Variants in TDRD10 observed in about 807,000 individuals in gnomAD.
TDRD10 encodes tudor domain-containing protein 10.
A neutral mutation model predicts 48.0 loss-of-function variants in TDRD10; 40 were observed. That is an observed-to-expected ratio of 0.83 (90% CI 0.65 to 1.09). The LOEUF is 1.09. Among genes scored for constraint, TDRD10 ranks in the 50% least tolerant of loss-of-function variants. The pLI is 0.00. For synonymous variants in TDRD10, 162 were observed against 170.4 expected (o/e 0.95, Z 0.38); for missense variants, 378 against 434.7 (o/e 0.87, Z 1.16).
At chr1:154,510,267 A>G (rs973884820) in intron 4 of TDRD10, among the ~76,000 whole-genome samples, 1 of 149,176 alleles carries the variant, frequency 6.7e-6, no homozygotes, top group Non-Finnish European at 1.5e-5. Flanking sequence ...AAAATTTTGA[A>G]TGGTAACATT....
chr1:154,544,565 A>C (rs776418056), intron 10 of TDRD10, 48 bp downstream of exon 10: 1 of 1,584,644 alleles, frequency 6.3e-7, no homozygotes, highest in Admixed American at 1.8e-5. Flanking sequence ...CGTGCAGGGA[A>C]AATGCTCCCT....
intron 3 of TDRD10, 68 bp from the exon 4 acceptor site, chr1:154,508,355 G>T: frequency 1.8e-6 from 2 of 1,087,800 alleles, no homozygotes; most frequent in South Asian, 2.5e-5. Context: ...TCTCTATCCT[G>T]TATTCTGACT....
chr1:154,544,242 G>A (rs1695422152), intron 9 of TDRD10, 130 bp from the exon 10 acceptor site: 4 of 1,544,544 alleles, frequency 2.6e-6, no homozygotes, highest in South Asian at 2.4e-5. Flanking sequence ...GTTCAGTCTC[G>A]TTCTCTCTCC....
chr1:154,503,388 G>C (rs1328919894), intron 1 of TDRD10, among the ~76,000 whole-genome samples: 1 of 152,156 alleles, frequency 6.6e-6, no homozygotes, highest in African/African-American at 2.4e-5. Flanking sequence ...AAGAGTTCGA[G>C]ACCAGCCTGG....
chr1:154,534,218 A>G (rs1312068759), intron 6 of TDRD10, among the ~76,000 whole-genome samples: 1 of 152,152 alleles, frequency 6.6e-6, no homozygotes, highest in Non-Finnish European at 1.5e-5. Context: ...CCAAAATCTA[A>G]AATATTTACT....
chr1:154,526,609 C>T (rs1293683082), intron 6 of TDRD10, among the ~76,000 whole-genome samples: 6 of 152,114 alleles, frequency 3.9e-5, no homozygotes, highest in Non-Finnish European at 8.8e-5. Context: ...CCACACGCCA[C>T]CACGCCCAGC....
intron 11 of TDRD10, among the ~76,000 whole-genome samples, chr1:154,545,470 A>G (rs1369693888): frequency 1.3e-5 from 2 of 152,230 alleles, no homozygotes; most frequent in African/African-American, 4.8e-5. Context: ...GTTAGGTGAA[A>G]TGTAAAAGGA....
intron 4 of TDRD10, among the ~76,000 whole-genome samples, chr1:154,516,251 C>T (rs1378737991): frequency 2.6e-5 from 4 of 152,018 alleles, no homozygotes; most frequent in East Asian, 3.9e-4. Context: ...GGGTCCAAGG[C>T]GTTATGTGTA....
chr1:154,537,441 A>C (rs151021335), intron 6 of TDRD10, among the ~76,000 whole-genome samples: 1 of 152,266 alleles, frequency 6.6e-6, no homozygotes, highest in Non-Finnish European at 1.5e-5. Context: ...AAGTGATTAA[A>C]GAATGAGAAG....
At chr1:154,520,264 A>G (rs1290126901) in intron 4 of TDRD10, 40 bp from the exon 5 acceptor site, 4 of 1,455,416 alleles carry the variant, frequency 2.7e-6, no homozygotes, top group African/African-American at 1.4e-5. Context: ...GTTGTAAGTT[A>G]TGTCTCTGGG....
chr1:154,517,768 C>T (rs1431994179), intron 4 of TDRD10, among the ~76,000 whole-genome samples: 4 of 152,106 alleles, frequency 2.6e-5, no homozygotes, highest in Non-Finnish European at 5.9e-5. Context: ...ACATGGCTCA[C>T]ACTAATATTT....
intron 1 of TDRD10, among the ~76,000 whole-genome samples, chr1:154,505,914 A>G (rs1238670856): frequency 6.6e-6 from 1 of 152,202 alleles, no homozygotes; most frequent in African/African-American, 2.4e-5. Flanking sequence ...GATCTATGAC[A>G]TGGGTGTTTT....
intron 6 of TDRD10, among the ~76,000 whole-genome samples, chr1:154,528,686 C>CA (rs1694442573): frequency 6.6e-6 from 1 of 151,906 alleles, no homozygotes; most frequent in South Asian, 2.1e-4. Context: ...TGTGGTGGTG[C>CA]ATGCCTGTAA....
chr1:154,513,061 T>C (rs1251398886), intron 4 of TDRD10, among the ~76,000 whole-genome samples: 1 of 152,142 alleles, frequency 6.6e-6, no homozygotes, highest in Non-Finnish European at 1.5e-5. Flanking sequence ...CATATAGGGA[T>C]TTGTAATACT....
intron 6 of TDRD10, among the ~76,000 whole-genome samples, chr1:154,528,033 C>G (rs1039325986): frequency 1.3e-5 from 2 of 151,986 alleles, no homozygotes; most frequent in African/African-American, 4.8e-5. Flanking sequence ...TACTTTTTGT[C>G]TTTTGTTTGT....
At position 154,507,318 on chromosome 1, in the gene TDRD10, C is replaced by T. The variant is rs777223802; in HGVS notation, c.80C>T (p.Pro27Leu). The T allele has an allele frequency of 4.3e-6, 7 of 1,613,858 alleles. No individual in the cohort carries two copies. In the African/African-American group the frequency reaches 9.3e-5, roughly 22 times the overall value. The stretch of plus-strand genomic sequence containing the variant: ...GGAGTGTTGGAGGAGCAGAAATCTC[C>T]AGGTAAGTTAGGCTGGGGGATTCGC... The part of the protein sequence containing the change: ...KNGVLEEQKS[P>L]GFKKRETEVY... Residue 27 changes from proline to leucine, a missense_variant and splice_region_variant, in exon 3 of 13, where the codon CCA (proline) becomes CTA (leucine). Transcript: ENST00000368482.
At chr1:154,521,761 A>T (rs1480180955) in intron 6 of TDRD10, among the ~76,000 whole-genome samples, 1 of 152,238 alleles carries the variant, frequency 6.6e-6, no homozygotes, top group Non-Finnish European at 1.5e-5. Context: ...TGGAATATTG[A>T]AACTTAGGTT....
intron 4 of TDRD10, among the ~76,000 whole-genome samples, chr1:154,515,261 G>A (rs1319534600): frequency 2.6e-5 from 4 of 151,968 alleles, no homozygotes; most frequent in Admixed American, 2.0e-4. Flanking sequence ...GCCTCCCAAA[G>A]TGCTGGGATT....
intron 6 of TDRD10, among the ~76,000 whole-genome samples, chr1:154,532,371 T>C (rs541164268): frequency 6.6e-6 from 1 of 152,190 alleles, no homozygotes; most frequent in Non-Finnish European, 1.5e-5. Flanking sequence ...CCGCTCTGAG[T>C]GCGGCCCGCA....
Sources: allele counts gnomAD v4.1 joint callset (sites outside exome capture counted in the v4.1 genomes callset), GRCh38; gene constraint gnomAD v4.1.1; transcripts MANE v1.5; gene names NCBI Gene and HGNC (gene_info 2026-07-23, HGNC 2026-07-21).